Variants in FRZB observed in about 807,000 individuals in gnomAD.
FRZB encodes the protein frizzled related protein.
In FRZB, 34 loss-of-function variants were observed where a neutral mutation model predicts 32.5. The observed-to-expected ratio is 1.05, with a 90% CI of 0.80 to 1.39. The LOEUF (loss-of-function observed/expected upper bound fraction) is 1.39. Ranked by LOEUF, FRZB falls within the 40% of genes most tolerant of loss-of-function variation. The pLI, the probability that FRZB is intolerant of heterozygous loss-of-function variation, is 0.00. For missense variants in FRZB, 423 were observed against 424.8 expected, an observed-to-expected ratio of 1.00 and a Z score of 0.04; for synonymous variants, 170 against 159.2, an observed-to-expected ratio of 1.07 and a Z score of -0.51.
chr2:182,862,451 G>A (rs1018842755), intron 1 of FRZB, among the ~76,000 whole-genome samples: 3 of 152,190 alleles, frequency 2.0e-5, no homozygotes, highest in African/African-American at 7.2e-5. Flanking sequence ...CTCCCAAGGG[G>A]ATCTGCTCTT....
intron 3 of FRZB, among the ~76,000 whole-genome samples, chr2:182,840,271 T>G (rs1240465716): frequency 6.6e-6 from 1 of 152,132 alleles, no homozygotes; most frequent in African/African-American, 2.4e-5. Flanking sequence ...CAACCCCAGC[T>G]AGCAGGCATT....
intron 3 of FRZB, among the ~76,000 whole-genome samples, 172 bp downstream of exon 3, chr2:182,842,306 A>G (rs1695594892): frequency 6.6e-6 from 1 of 152,158 alleles, no homozygotes; most frequent in African/African-American, 2.4e-5. Context: ...TGCCCGTGTG[A>G]GACATTTTAA....
intron 1 of FRZB, among the ~76,000 whole-genome samples, chr2:182,863,727 A>G (rs138575220): frequency 1.3e-3 from 192 of 152,350 alleles, no homozygotes; most frequent in African/African-American, 4.2e-3. Flanking sequence ...CCACTGAACC[A>G]AAGAGTATAT....
chr2:182,861,207 A>T (rs1441675071), intron 1 of FRZB, among the ~76,000 whole-genome samples: 2 of 152,242 alleles, frequency 1.3e-5, no homozygotes, highest in Non-Finnish European at 2.9e-5. Flanking sequence ...AAAGAATAAC[A>T]GATTCTCTAG....
At chr2:182,859,220 G>A (rs6433993) in intron 1 of FRZB, among the ~76,000 whole-genome samples, 104,706 of 151,734 alleles carry the variant, frequency 0.69, 36,575 homozygotes, top group African/African-American at 0.77. Flanking sequence ...TTCAATAAAT[G>A]GACATATCAC....
Position 182,838,515 on chromosome 2 carries a change from G to C in FRZB, c.691C>G (p.Pro231Ala). ...GTATAGAGGTTGACAGTGTCCCGTG[G>C]AATGTTTACCAGAGAGGACTTTAGA... ...EILKSSLVNI[P>A]RDTVNLYTSS... is the part of the protein sequence containing the mutation. Residue 231 changes from proline (P) to alanine (A), a missense_variant, in exon 4 of 6, where the codon CCA becomes GCA. By Grantham distance (27) the Pro-to-Ala change is conservative. Coordinates refer to ENST00000295113, the MANE Select transcript of FRZB (RefSeq NM_001463.4). 1 of 1,612,914 alleles carries C rather than the reference G, an allele frequency of 6.2e-7. No homozygotes were observed. The highest frequency in any genetic ancestry group is 1.1e-5 in the South Asian group (1 of 91,058).
At chr2:182,863,076 C>A (rs1338735793) in intron 1 of FRZB, among the ~76,000 whole-genome samples, 1 of 152,104 alleles carries the variant, frequency 6.6e-6, no homozygotes, top group African/African-American at 2.4e-5. Flanking sequence ...GCTTTAATTT[C>A]ATCTTTACCA....
In FRZB at chr2:182,844,875, C is replaced by A. The variant is rs573956366; in HGVS notation, c.527-2332G>T. Among the ~76,000 whole-genome samples, 15 of 152,254 alleles carry A rather than the reference C, an allele frequency of 9.9e-5. No homozygotes were observed. The South Asian group carries it at 3.1e-3, about 32-fold the overall frequency. ...CTAAATTTTGCTCATCTGCAATATA[C>A]TTCTTATTTCTGCTGGTCTCCAAGG... On this transcript the variant is annotated intron_variant, in intron 2 of 5. Transcript: ENST00000295113.
intron 3 of FRZB, among the ~76,000 whole-genome samples, 156 bp from the exon 4 acceptor site, chr2:182,838,769 T>G (rs1007321245): frequency 3.3e-5 from 5 of 152,114 alleles, no homozygotes; most frequent in Non-Finnish European, 5.9e-5. Context: ...TGCCTTAGAC[T>G]GTAGTGTGTG....
At chr2:182,855,430 C>A (rs887506972) in intron 2 of FRZB, among the ~76,000 whole-genome samples, 10 of 152,096 alleles carry the variant, frequency 6.6e-5, no homozygotes, top group African/African-American at 2.2e-4. Flanking sequence ...GATAGAAAGT[C>A]TTACCAAAGA....
intron 2 of FRZB, among the ~76,000 whole-genome samples, chr2:182,856,330 C>T (rs1695768515): frequency 6.6e-6 from 1 of 151,622 alleles, no homozygotes; most frequent in South Asian, 2.1e-4. Context: ...ATAAAATTAT[C>T]TCATGAGGAT....
chr2:182,863,907 C>T (rs1005800034), intron 1 of FRZB, among the ~76,000 whole-genome samples: 2 of 152,148 alleles, frequency 1.3e-5, no homozygotes, highest in Non-Finnish European at 2.9e-5. Context: ...TTTCCACCTC[C>T]CCCCACCTTT....
At chr2:182,851,819 T>C (rs1695713461) in intron 2 of FRZB, among the ~76,000 whole-genome samples, 1 of 152,100 alleles carries the variant, frequency 6.6e-6, no homozygotes, top group African/African-American at 2.4e-5. Context: ...ATTCAGCCTA[T>C]GTAGCTTGAT....
At chr2:182,848,590 G>A (rs1695672847) in intron 2 of FRZB, among the ~76,000 whole-genome samples, 1 of 152,030 alleles carries the variant, frequency 6.6e-6, no homozygotes. Flanking sequence ...CTAGAGTCCT[G>A]GTGTCAATGA....
chr2:182,841,264 G>T (rs1409653242), intron 3 of FRZB, among the ~76,000 whole-genome samples: 1 of 151,992 alleles, frequency 6.6e-6, no homozygotes, highest in Non-Finnish European at 1.5e-5. Flanking sequence ...AGGTGGATTT[G>T]TTTTAAAGAG....
chr2:182,855,160 A>C (rs1695754589), intron 2 of FRZB, among the ~76,000 whole-genome samples: 1 of 152,214 alleles, frequency 6.6e-6, no homozygotes, highest in African/African-American at 2.4e-5. Flanking sequence ...CCTAATCCTA[A>C]CTAGGTTAAC....
At chr2:182,864,939 A>G (rs1392310486) in intron 1 of FRZB, among the ~76,000 whole-genome samples, 4 of 152,208 alleles carry the variant, frequency 2.6e-5, no homozygotes, top group Non-Finnish European at 5.9e-5. Context: ...TATAAAATAT[A>G]TGAAGGGTAA....
In FRZB at chr2:182,834,566, A is replaced by G. The variant is rs937421356; in HGVS notation, c.*283T>C. 1 of 394,076 alleles carries G rather than the reference A, an allele frequency of 2.5e-6. No homozygotes were observed. The highest frequency in any genetic ancestry group is 2.0e-5 in the African/African-American group (1 of 49,606). The allele number at this position is 394,076 out of a possible 1,614,324, so 24.4% of individuals were successfully genotyped here. ...CCAGCAAAGAGGCTCTGGTAACAGC[A>G]TGTTTAATTTATTATTATTGCAAAA... On this transcript the variant is annotated 3_prime_UTR_variant, in exon 6 of 6. Transcript: ENST00000295113.
chr2:182,834,550 A>G lies in FRZB; in HGVS notation c.*299T>C. 1 of 343,118 alleles carries G rather than the reference A, an allele frequency of 2.9e-6. No individual in the cohort carries two copies. Among genetic ancestry groups the G allele is most frequent in the Non-Finnish European group, 5.4e-6 (1 of 185,686 alleles). 21.3% of individuals were successfully genotyped at this position (343,118 alleles called of 1,614,324 possible). A position where few individuals can be genotyped will look rare whatever the true frequency, so the allele number is the denominator to read the frequency against. On this transcript the variant is annotated 3_prime_UTR_variant, in exon 6 of 6. Transcript: ENST00000295113. Reference sequence around the variant, plus strand: ...TTAACATCTGGAGACTCCAGCAAAGAGGCTCTGGTAACAGCATGTTTAATT... The same window carrying G: ...TTAACATCTGGAGACTCCAGCAAAGGGGCTCTGGTAACAGCATGTTTAATT...
Sources: gnomAD v4.1 joint callset for allele counts (sites outside exome capture counted in the v4.1 genomes callset) on GRCh38, gnomAD v4.1.1 for gene constraint, MANE v1.5 for transcripts, NCBI Gene and HGNC (gene_info 2026-07-23, HGNC 2026-07-21) for gene names.